Variants in XIRP2 observed in about 807,000 individuals in gnomAD.
XIRP2 encodes the protein xin actin-binding repeat-containing protein 2.
A neutral mutation model predicts 277.0 loss-of-function variants in XIRP2; 236 were observed. That is an observed-to-expected ratio of 0.85 (90% CI 0.77 to 0.95). The LOEUF (loss-of-function observed/expected upper bound fraction) is 0.95, where lower values mean the gene tolerates loss of function less well. XIRP2 is among the 40% of genes least tolerant of loss of function. The pLI, the probability that XIRP2 is intolerant of heterozygous loss-of-function variation, is 0.00. For synonymous variants in XIRP2, 1,490 were observed against 1,416.5 expected, an observed-to-expected ratio of 1.05 and a Z score of -1.17; for missense variants, 4,640 against 4,157.5, an observed-to-expected ratio of 1.12 and a Z score of -3.19.
rs374287331 is a variant in XIRP2 at position 166,930,207 on chromosome 2, A to G, written c.408+26317A>G. Reference sequence around the variant, plus strand: ...TCCATTTATTTTTAATGGGATGCATAGTAGCACCCCATGTTTTCTTATGGG... The same window carrying G: ...TCCATTTATTTTTAATGGGATGCATGGTAGCACCCCATGTTTTCTTATGGG... On this transcript the variant is annotated intron_variant, in intron 2 of 10. Coordinates refer to ENST00000409195, the MANE Select transcript of XIRP2 (RefSeq NM_152381.6). 5.9e-5 allele frequency among the ~76,000 whole-genome samples: 9 copies of G among 152,280 alleles called. 2 individuals are homozygous for G. Among genetic ancestry groups the G allele is most frequent in the African/African-American group, 1.9e-4 (8 of 41,558 alleles).
chr2:166,979,515 T>G (rs1002592302), intron 2 of XIRP2, among the ~76,000 whole-genome samples: 1 of 145,738 alleles, frequency 6.9e-6, no homozygotes, highest in Admixed American at 6.9e-5. Context: ...AAGAGTAGGG[T>G]TTTTTTTTTA....
At chr2:166,984,426 AATT>A (rs1419876642) in intron 2 of XIRP2, among the ~76,000 whole-genome samples, 1 of 152,176 alleles carries the variant, frequency 6.6e-6, no homozygotes, top group African/African-American at 2.4e-5. Context: ...TTAAAAAATG[AATT>A]AAAGTTTTCT....
rs1695331852 is a variant in XIRP2 at position 167,247,923 on chromosome 2, C to A, written c.6531C>A (p.Asp2177Glu). The A allele has an allele frequency of 1.9e-6, 3 of 1,612,686 alleles. No homozygotes were observed. Among genetic ancestry groups the A allele is most frequent in the East Asian group, 2.2e-5 (1 of 44,822 alleles). The part of the protein sequence containing the change: ...PVSMPVGGTY[D>E]LSGDFQKQTL... ...GCATGCCAGTTGGAGGAACTTACGA[C>A]CTTTCAGGGGACTTTCAGAAGCAAA... is the stretch of plus-strand genomic sequence containing the variant. Residue 2177 changes from aspartate to glutamate, a missense_variant, in exon 9 of 11, where the codon GAC becomes GAA. Physicochemically the swap from Asp to Glu is conservative, Grantham distance 45 (BLOSUM62 2). Coordinates refer to ENST00000409195, the MANE Select transcript of XIRP2 (RefSeq NM_152381.6).
At chr2:166,936,856 A>G (rs1685533334) in intron 2 of XIRP2, among the ~76,000 whole-genome samples, 1 of 152,190 alleles carries the variant, frequency 6.6e-6, no homozygotes, top group Non-Finnish European at 1.5e-5. Flanking sequence ...TGATGCCTCC[A>G]GCCTTGTTCT....
chr2:167,116,727 A>G (rs1013404047), intron 2 of XIRP2, among the ~76,000 whole-genome samples: 2 of 152,206 alleles, frequency 1.3e-5, no homozygotes, highest in Non-Finnish European at 2.9e-5. Context: ...GTTTAACTAA[A>G]TTATGTAATT....
At chr2:166,964,191 G>C (rs1218236601) in intron 2 of XIRP2, among the ~76,000 whole-genome samples, 1 of 151,804 alleles carries the variant, frequency 6.6e-6, no homozygotes, top group Non-Finnish European at 1.5e-5. Flanking sequence ...ATTGGGACTT[G>C]AATTTTCATT....
At chr2:167,187,819 C>A (rs1458468653) in intron 3 of XIRP2, among the ~76,000 whole-genome samples, 2 of 151,874 alleles carry the variant, frequency 1.3e-5, no homozygotes, top group African/African-American at 4.8e-5. Flanking sequence ...CTTCAACTTA[C>A]AAATAAGAGG....
intron 1 of XIRP2, among the ~76,000 whole-genome samples, chr2:166,893,775 A>AT (rs773919201): frequency 3.3e-5 from 5 of 152,170 alleles, no homozygotes; most frequent in Non-Finnish European, 5.9e-5. Context: ...TGTAATAATC[A>AT]TAGATTTCTT....
chr2:167,010,759 G>C (rs533093141), intron 2 of XIRP2, among the ~76,000 whole-genome samples: 87 of 152,180 alleles, frequency 5.7e-4, no homozygotes, highest in African/African-American at 2.0e-3. Context: ...GCAGTGGTTT[G>C]TAGTTCTCCT....
At chr2:166,913,979 A>G (rs1684789921) in intron 2 of XIRP2, among the ~76,000 whole-genome samples, 1 of 152,234 alleles carries the variant, frequency 6.6e-6, no homozygotes. Flanking sequence ...AAAGATATTT[A>G]CATTCTACTC....
At chr2:167,016,727 A>T (rs1008004645) in intron 2 of XIRP2, among the ~76,000 whole-genome samples, 1 of 151,932 alleles carries the variant, frequency 6.6e-6, no homozygotes, top group African/African-American at 2.4e-5. Context: ...CAGGGAGAGT[A>T]CTCAGATTTG....
rs969529392 is a variant in XIRP2 at position 167,121,998 on chromosome 2, T to G, written c.409-13911T>G. On this transcript the variant is annotated intron_variant, in intron 2 of 10. Coordinates refer to ENST00000409195, the MANE Select transcript of XIRP2 (RefSeq NM_152381.6). ...TGTATTTTTTGCACATGGGAGAACC[T>G]CAGTGAATTATGAAACATACCATTT... is the stretch of plus-strand genomic sequence containing the variant. 1.1e-4 allele frequency among the ~76,000 whole-genome samples: 17 copies of G among 152,278 alleles called. 1 individual carries two copies. The highest frequency in any genetic ancestry group is 1.0e-3 in the South Asian group (5 of 4,828).
Position 167,251,248 on chromosome 2 carries a change from G to T in XIRP2, c.9856G>T (p.Asp3286Tyr). 6.2e-7 allele frequency: 1 copy of T among 1,613,552 alleles called. No homozygotes were observed. The highest frequency in any genetic ancestry group is 1.7e-5 in the Admixed American group (1 of 59,970). The change falls in exon 9 of 11, where the codon GAC (aspartate) becomes TAC (tyrosine). Residue 3286 changes from aspartate to tyrosine, a missense_variant. Physicochemically the swap from Asp to Tyr is radical, Grantham distance 160. Coordinates refer to ENST00000409195, the MANE Select transcript of XIRP2 (RefSeq NM_152381.6). ...GLNSTDHMVPDTESYDAVEII... is the reference protein window; with the variant it reads ...GLNSTDHMVPYTESYDAVEII... ...AAATTCCACTGATCACATGGTGCCC[G>T]ACACTGAAAGTTATGATGCAGTTGA...
At chr2:167,142,186 G>A (rs1465002235) in intron 3 of XIRP2, among the ~76,000 whole-genome samples, 1 of 152,298 alleles carries the variant, frequency 6.6e-6, no homozygotes, top group East Asian at 1.9e-4. Context: ...AAAAAGTTCA[G>A]GTAGAACCGC....
intron 2 of XIRP2, among the ~76,000 whole-genome samples, chr2:166,918,755 A>G (rs979910100): frequency 6.6e-6 from 1 of 152,060 alleles, no homozygotes; most frequent in Non-Finnish European, 1.5e-5. Context: ...AAATTGTACT[A>G]TGGTTAAATA....
chr2:167,092,495 A>T (rs1035120732), intron 2 of XIRP2, among the ~76,000 whole-genome samples: 2 of 152,156 alleles, frequency 1.3e-5, no homozygotes, highest in Admixed American at 1.3e-4. Flanking sequence ...ACTTTTCAGT[A>T]TAAAAGTATT....
intron 2 of XIRP2, among the ~76,000 whole-genome samples, chr2:167,033,204 A>G (rs1292028428): frequency 6.6e-6 from 1 of 152,058 alleles, no homozygotes; most frequent in Admixed American, 6.6e-5. Flanking sequence ...AAAACCAAAC[A>G]CTGCATATTC....
Position 167,036,200 on chromosome 2 carries a change from T to A in XIRP2, c.409-99709T>A, listed in dbSNP as rs560941413. 2.6e-5 allele frequency among the ~76,000 whole-genome samples: 4 copies of A among 152,306 alleles called. No individual in the cohort carries two copies. The South Asian group carries it at 6.2e-4, about 24-fold the overall frequency. On this transcript the variant is annotated intron_variant, in intron 2 of 10. Transcript: ENST00000409195. ...CTACTGAGGCACTGCTTAGTAGAGC[T>A]GTGAGAAGAGGGACACTGTCCTGCA...
At chr2:167,202,040 A>C (rs2105379247) in intron 3 of XIRP2, among the ~76,000 whole-genome samples, 1 of 152,288 alleles carries the variant, frequency 6.6e-6, no homozygotes, top group South Asian at 2.1e-4. Flanking sequence ...TACATGTAAA[A>C]TAATTAACAC....
Sources: gnomAD v4.1 joint callset for allele counts (sites outside exome capture counted in the v4.1 genomes callset) on GRCh38, gnomAD v4.1.1 for gene constraint, MANE v1.5 for transcripts, NCBI Gene and HGNC (gene_info 2026-07-23, HGNC 2026-07-21) for gene names.